Variants in CDC42BPA observed in about 807,000 individuals in gnomAD.
CDC42BPA encodes serine/threonine-protein kinase MRCK alpha.
In CDC42BPA, 80 loss-of-function variants were observed where a neutral mutation model predicts 223.5. The observed-to-expected ratio is 0.36, with a 90% CI of 0.30 to 0.43. CDC42BPA has a LOEUF of 0.43. Ranked by LOEUF, CDC42BPA falls within the 20% of genes least tolerant of loss-of-function variation. The pLI is 1.00. For missense variants in CDC42BPA, 1,743 were observed against 2,099.9 expected, an observed-to-expected ratio of 0.83 and a Z score of 3.32; for synonymous variants, 694 against 718.6, an observed-to-expected ratio of 0.97 and a Z score of 0.55.
At chr1:227,012,536 T>C (rs897611862) in intron 34 of CDC42BPA, among the ~76,000 whole-genome samples, 2 of 152,136 alleles carry the variant, frequency 1.3e-5, no homozygotes, top group Admixed American at 6.5e-5. Flanking sequence ...GCAACAGAAT[T>C]AAATTTCTAA....
At chr1:227,283,107 AG>A (rs1688260230) in intron 1 of CDC42BPA, among the ~76,000 whole-genome samples, 1 of 152,184 alleles carries the variant, frequency 6.6e-6, no homozygotes. Flanking sequence ...TAAAAATTAA[AG>A]ATTTCTATTA....
intron 12 of CDC42BPA, among the ~76,000 whole-genome samples, chr1:227,116,363 C>T (rs1378048607): frequency 6.6e-6 from 1 of 152,112 alleles, no homozygotes; most frequent in African/African-American, 2.4e-5. Flanking sequence ...AGTCAGTATC[C>T]ATTCTAAATA....
chr1:227,044,771 C>CT (rs1397197608), intron 23 of CDC42BPA, among the ~76,000 whole-genome samples: 1 of 152,014 alleles, frequency 6.6e-6, no homozygotes, highest in Non-Finnish European at 1.5e-5. Flanking sequence ...TATGTAATGT[C>CT]TAAGTTATTA....
chr1:227,020,908 A>G (rs977891679), intron 32 of CDC42BPA, among the ~76,000 whole-genome samples: 2 of 151,634 alleles, frequency 1.3e-5, no homozygotes, highest in Admixed American at 6.6e-5. Flanking sequence ...TTGAACACTT[A>G]AGAGTCTATT....
At chr1:227,069,460 TAAAA>T (rs1211712236) in intron 21 of CDC42BPA, 1 of 182,468 alleles carries the variant, frequency 5.5e-6, no homozygotes, top group Non-Finnish European at 1.1e-5. Flanking sequence ...CTTTGGAGAA[TAAAA>T]AAATTGTCAA....
At chr1:227,035,291 T>G (rs1190025668) in intron 25 of CDC42BPA, among the ~76,000 whole-genome samples, 180 bp downstream of exon 25, 2 of 152,216 alleles carry the variant, frequency 1.3e-5, no homozygotes, top group African/African-American at 2.4e-5. Flanking sequence ...TATAACTTAT[T>G]TCCATGTAAA....
intron 1 of CDC42BPA, among the ~76,000 whole-genome samples, chr1:227,295,134 A>C (rs1690443954): frequency 6.6e-6 from 1 of 152,070 alleles, no homozygotes; most frequent in Non-Finnish European, 1.5e-5. Context: ...AGGAAAAATA[A>C]TTTTAAAGTC....
At chr1:227,271,838 T>C (rs1217381357) in intron 1 of CDC42BPA, among the ~76,000 whole-genome samples, 1 of 152,220 alleles carries the variant, frequency 6.6e-6, no homozygotes, top group Non-Finnish European at 1.5e-5. Context: ...ACAATCTCAT[T>C]ACATGCCTTC....
At chr1:227,210,894 G>T (rs1673755275) in intron 3 of CDC42BPA, among the ~76,000 whole-genome samples, 1 of 152,144 alleles carries the variant, frequency 6.6e-6, no homozygotes, top group East Asian at 1.9e-4. Flanking sequence ...ACTAGTAGAG[G>T]CAGGTGTATA....
At chr1:227,039,634 C>A (rs1670970504) in intron 24 of CDC42BPA, among the ~76,000 whole-genome samples, 1 of 152,068 alleles carries the variant, frequency 6.6e-6, no homozygotes, top group East Asian at 1.9e-4. Flanking sequence ...TTTCCCCTAT[C>A]CACTATTATG....
At chr1:227,248,107 A>G (rs1287898392) in intron 2 of CDC42BPA, among the ~76,000 whole-genome samples, 1 of 152,182 alleles carries the variant, frequency 6.6e-6, no homozygotes, top group African/African-American at 2.4e-5. Context: ...AAACAACCTC[A>G]AAGGGTAAAT....
chr1:227,156,171 G>A (rs1662732594), intron 6 of CDC42BPA, among the ~76,000 whole-genome samples: 1 of 149,588 alleles, frequency 6.7e-6, no homozygotes, highest in Non-Finnish European at 1.5e-5. Flanking sequence ...TATTTTTCTG[G>A]AGTCAGGATC....
rs117383087 is a variant in CDC42BPA, at chr1:227,312,118, A to C, written c.178+4887T>G. On this transcript the variant is annotated intron_variant, in intron 1 of 36. Coordinates refer to ENST00000366766, the MANE Select transcript of CDC42BPA (RefSeq NM_001394014.1). ...TTGCACAACAATACTTATTCCTTCTATATTTGATGTACTTTATATTTTCTA... is the reference window on the plus strand; with the variant it reads ...TTGCACAACAATACTTATTCCTTCTCTATTTGATGTACTTTATATTTTCTA... Among the ~76,000 whole-genome samples, 391 of 152,330 alleles carry C rather than the reference A, an allele frequency of 2.6e-3. 9 individuals are homozygous for C. The East Asian group carries it at 0.048, about 19-fold the overall frequency.
intron 6 of CDC42BPA, among the ~76,000 whole-genome samples, chr1:227,149,995 G>A (rs1661423662): frequency 6.6e-6 from 1 of 151,984 alleles, no homozygotes; most frequent in Admixed American, 6.6e-5. Context: ...AAGCTGAGGC[G>A]GGTGTTTCAC....
In CDC42BPA at chr1:227,182,550, C is replaced by G. The variant is rs1438534800; in HGVS notation, c.599+11236G>C. ...CCCTTGTACTCTTCCACCAGCTTCC[C>G]CCAATGGTAACATATGATAACTGTA... On this transcript the variant is annotated intron_variant, in intron 5 of 36. Transcript: ENST00000366766. Among the ~76,000 whole-genome samples the G allele has an allele frequency of 2.6e-5, 4 of 152,124 alleles. No individual in the cohort carries two copies. In the East Asian group the frequency reaches 7.7e-4, roughly 29 times the overall value.
chr1:227,183,244 T>C (rs1668242382), intron 5 of CDC42BPA: 1 of 152,202 alleles, frequency 6.6e-6, no homozygotes, highest in African/African-American at 2.4e-5. Context: ...ATCTTGTGTA[T>C]AGATTCATGT....
intron 3 of CDC42BPA, among the ~76,000 whole-genome samples, chr1:227,205,283 AATATATATAT>A (rs71180715): frequency 1.8e-3 from 217 of 122,616 alleles, no homozygotes; most frequent in South Asian, 3.7e-3. Context: ...AAAAAAAAAA[AATATATATAT>A]ATATATATAT....
At chr1:227,157,955 C>CTTTTTTTTTT in intron 6 of CDC42BPA, among the ~76,000 whole-genome samples, 1 of 144,962 alleles carries the variant, frequency 6.9e-6, no homozygotes, top group Non-Finnish European at 1.5e-5. Flanking sequence ...ATTTTTATAA[C>CTTTTTTTTTT]TTTTTTTTTT....
At chr1:227,212,020 A>C (rs1674005192) in intron 3 of CDC42BPA, among the ~76,000 whole-genome samples, 1 of 152,086 alleles carries the variant, frequency 6.6e-6, no homozygotes, top group Non-Finnish European at 1.5e-5. Context: ...CTTTGGCTTT[A>C]TCTGTAATAT....
Sources: allele counts gnomAD v4.1 joint callset (sites outside exome capture counted in the v4.1 genomes callset), GRCh38; gene constraint gnomAD v4.1.1; transcripts MANE v1.5; gene names NCBI Gene and HGNC (gene_info 2026-07-23, HGNC 2026-07-21).